The following UBE2E2 variants were observed in gnomAD, a reference collection of about 807,000 sequenced individuals.
UBE2E2 encodes the protein ubiquitin conjugating enzyme E2 E2.
Under a neutral mutation model 24.7 loss-of-function variants are expected in UBE2E2, and 6 were observed. The observed-to-expected ratio is 0.24, with a 90% CI of 0.13 to 0.48. The LOEUF is 0.48. Ranked by LOEUF, UBE2E2 falls within the 20% of genes least tolerant of loss-of-function variation. The pLI is 0.99. For synonymous variants in UBE2E2, 104 were observed against 83.6 expected (o/e 1.24, Z -1.33); for missense variants, 169 against 245.0 (o/e 0.69, Z 2.07).
intron 4 of UBE2E2, among the ~76,000 whole-genome samples, chr3:23,524,865 G>GACACACAGACACACACACAC (rs780602583): frequency 1.4e-5 from 2 of 147,426 alleles, no homozygotes; most frequent in African/African-American, 5.0e-5. Flanking sequence ...CAGACACACA[G>GACACACAGACACACACACAC]ACACACACAC....
intron 5 of UBE2E2, among the ~76,000 whole-genome samples, chr3:23,555,562 C>A (rs527468963): frequency 6.6e-6 from 1 of 152,154 alleles, no homozygotes; most frequent in African/African-American, 2.4e-5. Flanking sequence ...CCTGCACTCT[C>A]GTGTTCATTA....
intron 3 of UBE2E2, among the ~76,000 whole-genome samples, chr3:23,350,388 A>G (rs534967891): frequency 6.6e-6 from 1 of 152,382 alleles, no homozygotes; most frequent in East Asian, 1.9e-4. Flanking sequence ...TGGACGGAGA[A>G]TGACTTTGAT....
chr3:23,547,902 T>A (rs904273823), intron 5 of UBE2E2, among the ~76,000 whole-genome samples: 7 of 152,216 alleles, frequency 4.6e-5, no homozygotes, highest in Admixed American at 2.0e-4. Flanking sequence ...AAAAAACTTT[T>A]ATGCCCAGAG....
At chr3:23,303,464 C>T (rs1286406804) in intron 3 of UBE2E2, among the ~76,000 whole-genome samples, 2 of 152,026 alleles carry the variant, frequency 1.3e-5, no homozygotes, top group Non-Finnish European at 2.9e-5. Flanking sequence ...CTCACTACTG[C>T]TTTTATTTAG....
At chr3:23,220,389 C>CA (rs1258209415) in intron 3 of UBE2E2, among the ~76,000 whole-genome samples, 1 of 152,076 alleles carries the variant, frequency 6.6e-6, no homozygotes, top group Non-Finnish European at 1.5e-5. Context: ...AAACATTACT[C>CA]ACAGTTTAAT....
At chr3:23,404,215 G>T (rs1409240723) in intron 3 of UBE2E2, among the ~76,000 whole-genome samples, 1 of 152,120 alleles carries the variant, frequency 6.6e-6, no homozygotes, top group East Asian at 1.9e-4. Flanking sequence ...GATTCTGCTT[G>T]TTGGAATATC....
At chr3:23,276,441 G>A (rs1183109420) in intron 3 of UBE2E2, among the ~76,000 whole-genome samples, 1 of 152,082 alleles carries the variant, frequency 6.6e-6, no homozygotes, top group Non-Finnish European at 1.5e-5. Context: ...CGTTAGCATA[G>A]AACTCCCTTT....
At chr3:23,470,126 G>A (rs559845458) in intron 3 of UBE2E2, among the ~76,000 whole-genome samples, 92 of 152,304 alleles carry the variant, frequency 6.0e-4, no homozygotes, top group African/African-American at 1.9e-3. Context: ...TATGGAGGCC[G>A]CAATTAATAC....
intron 3 of UBE2E2, among the ~76,000 whole-genome samples, chr3:23,274,291 C>G (rs1208070052): frequency 6.6e-6 from 1 of 151,890 alleles, no homozygotes; most frequent in African/African-American, 2.4e-5. Context: ...TTTTTTCCCT[C>G]TTTCTTTCCC....
chr3:23,294,622 A>T (rs953081219), intron 3 of UBE2E2, among the ~76,000 whole-genome samples: 1 of 147,668 alleles, frequency 6.8e-6, no homozygotes, highest in Non-Finnish European at 1.5e-5. Flanking sequence ...TAGATATTTT[A>T]TTAGATATTT....
At chr3:23,415,793 G>A (rs929176530) in intron 3 of UBE2E2, among the ~76,000 whole-genome samples, 4 of 151,562 alleles carry the variant, frequency 2.6e-5, no homozygotes, top group African/African-American at 4.8e-5. Context: ...TGTGCAGAAC[G>A]TGCAGGTTTG....
intron 4 of UBE2E2, among the ~76,000 whole-genome samples, chr3:23,501,454 G>T (rs767029457): frequency 1.3e-5 from 2 of 152,182 alleles, no homozygotes; most frequent in Non-Finnish European, 2.9e-5. Context: ...CACAGAGGAG[G>T]AAACATAGAT....
chr3:23,567,348 A>G (rs78697539), intron 5 of UBE2E2, among the ~76,000 whole-genome samples: 1 of 152,222 alleles, frequency 6.6e-6, no homozygotes, highest in Non-Finnish European at 1.5e-5. Flanking sequence ...GTGGTAGAAC[A>G]TGTTGCCTAA....
chr3:23,404,211 G>A (rs1289223758), intron 3 of UBE2E2, among the ~76,000 whole-genome samples: 1 of 152,112 alleles, frequency 6.6e-6, no homozygotes, highest in Non-Finnish European at 1.5e-5. Context: ...ATGAGATTCT[G>A]CTTGTTGGAA....
rs1315720113 is a variant in UBE2E2 at position 23,204,770 on chromosome 3, G to A, written c.-9+1306G>A. 6 of 983,428 alleles carry A rather than the reference G, an allele frequency of 6.1e-6. No individual in the cohort carries two copies. In the African/African-American group the frequency reaches 7.0e-5, roughly 11 times the overall value. The allele number at this position is 983,428 out of a possible 1,614,324, so 60.9% of individuals were successfully genotyped here. A position where few individuals can be genotyped will look rare whatever the true frequency, so the allele number is the denominator to read the frequency against. On this transcript the variant is annotated intron_variant, in intron 1 of 5. Coordinates refer to ENST00000396703, the MANE Select transcript of UBE2E2 (RefSeq NM_152653.4). The stretch of plus-strand genomic sequence containing the variant: ...GTTAAATTTAAAGCTGGATATTGCT[G>A]TGTGCATATACTATATATTTATTTT...
At chr3:23,289,979 A>G (rs1698718587) in intron 3 of UBE2E2, among the ~76,000 whole-genome samples, 1 of 150,984 alleles carries the variant, frequency 6.6e-6, no homozygotes, top group Non-Finnish European at 1.5e-5. Context: ...ATATGCATGC[A>G]AAATTGACTA....
intron 3 of UBE2E2, among the ~76,000 whole-genome samples, chr3:23,416,547 A>G (rs183210475): frequency 4.6e-5 from 7 of 152,050 alleles, no homozygotes; most frequent in Admixed American, 3.9e-4. Flanking sequence ...GCTCTTCTTG[A>G]GGAGTATCTT....
chr3:23,431,548 T>C (rs1281239817), intron 3 of UBE2E2, among the ~76,000 whole-genome samples: 1 of 152,240 alleles, frequency 6.6e-6, no homozygotes, highest in African/African-American at 2.4e-5. Context: ...ATATGTCAGC[T>C]GTTAATTTTC....
chr3:23,409,513 C>G (rs150748194), intron 3 of UBE2E2, among the ~76,000 whole-genome samples: 203 of 152,102 alleles, frequency 1.3e-3, no homozygotes, highest in African/African-American at 4.3e-3. Context: ...AAATGTATAC[C>G]CCATATATTT....
Sources: gnomAD v4.1 joint callset for allele counts (sites outside exome capture counted in the v4.1 genomes callset) on GRCh38, gnomAD v4.1.1 for gene constraint, MANE v1.5 for transcripts, NCBI Gene and HGNC (gene_info 2026-07-23, HGNC 2026-07-21) for gene names.